The following TLE6 variants were observed in gnomAD, a reference collection of about 807,000 sequenced individuals.
TLE6 encodes the protein transducin-like enhancer protein 6.
In TLE6, 72 loss-of-function variants were observed where a neutral mutation model predicts 77.1. That is an observed-to-expected ratio of 0.93 (90% confidence interval 0.77 to 1.14). TLE6 has a LOEUF of 1.14. Ranked by LOEUF, TLE6 falls within the 50% of genes most tolerant of loss-of-function variation. TLE6 has a pLI of 0.00. For missense variants in TLE6, 843 were observed against 747.6 expected, an observed-to-expected ratio of 1.13 and a Z score of -1.49; for synonymous variants, 366 against 287.3, an observed-to-expected ratio of 1.27 and a Z score of -2.77.
intron 1 of TLE6, 71 bp from the exon 2 acceptor site, chr19:2,978,127 C>G (rs757091256): frequency 2.6e-5 from 31 of 1,193,054 alleles, no homozygotes; most frequent in Non-Finnish European, 3.6e-5. Context: ...GGTGGGGTAA[C>G]GGGTGCCTTG....
intron 4 of TLE6, 40 bp from the exon 5 acceptor site, chr19:2,982,108 C>G (rs1164080086): frequency 3.2e-6 from 5 of 1,550,904 alleles, no homozygotes; most frequent in Non-Finnish European, 4.4e-6. Context: ...CATTCACACC[C>G]GGACCACCTC....
rs566861192 is a variant in TLE6, at chr19:2,995,064, C to A, written c.*60C>A. The A allele has an allele frequency of 5.1e-4, 525 of 1,023,356 alleles. 7 individuals are homozygous for A. Among genetic ancestry groups the A allele is most frequent in the South Asian group, 5.1e-3 (359 of 70,582 alleles). The allele number at this position is 1,023,356 out of a possible 1,614,324, so 63.4% of individuals were successfully genotyped here. On this transcript the variant is annotated 3_prime_UTR_variant, in exon 17 of 17. Transcript: ENST00000246112. ...CTTTTCATCCCCCCCCTTCCCCCCC[C>A]CCAACAAGGGGGACATGGTGGAGGG... is the stretch of plus-strand genomic sequence containing the variant.
chr19:2,981,550 T>A lies in TLE6; in HGVS notation c.147T>A (p.His49Gln). 1.3e-6 allele frequency: 2 copies of A among 1,551,512 alleles called. No individual in the cohort carries two copies. Among genetic ancestry groups the A allele is most frequent in the Non-Finnish European group, 1.7e-6 (2 of 1,146,930 alleles). Residue 49 changes from histidine (H) to glutamine (Q), a missense_variant, in exon 4 of 17, where the codon CAT becomes CAA. Transcript: ENST00000246112. The part of the protein sequence containing the change: ...RLKQFPRFSP[H>Q]FAAELESIYY... ...CCTTCCCCCTCAGGTTTTCTCCTCA[T>A]TTTGCTGCGGAGTTGGAGAGCATTT...
intron 14 of TLE6, 87 bp from the exon 15 acceptor site, chr19:2,993,345 C>T (rs755600790): frequency 8.3e-6 from 12 of 1,439,428 alleles, no homozygotes; most frequent in Non-Finnish European, 1.1e-5. Context: ...CACCCGGCCT[C>T]CAGGATAGGT....
At chr19:2,978,118 G>A (rs903399921) in intron 1 of TLE6, 80 bp from the exon 2 acceptor site, 6 of 1,045,002 alleles carry the variant, frequency 5.7e-6, no homozygotes, top group Non-Finnish European at 5.8e-6. Flanking sequence ...GGAGGTGCGG[G>A]TGGGGTAACG....
At position 2,986,998 on chromosome 19, in the gene TLE6, C is replaced by T. The variant is rs779265808; in HGVS notation, c.301C>T (p.Pro101Ser). 2.5e-6 allele frequency: 4 copies of T among 1,612,162 alleles called. No individual in the cohort carries two copies. The highest frequency in any genetic ancestry group is 2.5e-6 in the Non-Finnish European group (3 of 1,178,730). Residue 101 changes from proline (P) to serine (S), a missense_variant, in exon 7 of 17, where the codon CCA becomes TCA. Coordinates refer to ENST00000246112, the MANE Select transcript of TLE6 (RefSeq NM_001143986.2). ...FQSEEVSPAE[P>S]ASPGTPQQVK... ...GCCGGGCCAGGTCTCACCTGCTGAA[C>T]CAGCCAGCCCTGGGACGCCCCAGCA...
Position 2,989,518 on chromosome 19 carries a change from G to A in TLE6, c.994-17G>A. ...GCCACGGGGGGCGACAGCTCACAGTGACTCTGCCCATCCCAGACCCCTGGG... is the reference window on the plus strand; with the variant it reads ...GCCACGGGGGGCGACAGCTCACAGTAACTCTGCCCATCCCAGACCCCTGGG... On this transcript the variant is annotated splice_polypyrimidine_tract_variant and intron_variant, in intron 12 of 16. Coordinates refer to ENST00000246112, the MANE Select transcript of TLE6 (RefSeq NM_001143986.2). The A allele has an allele frequency of 1.5e-5, 24 of 1,604,542 alleles. No individual in the cohort carries two copies. The highest frequency in any genetic ancestry group is 2.0e-5 in the Non-Finnish European group (23 of 1,175,640).
intron 2 of TLE6, among the ~76,000 whole-genome samples, chr19:2,979,844 A>G (rs1046732288): frequency 6.6e-6 from 1 of 151,192 alleles, no homozygotes. Context: ...GGCGCATGTA[A>G]TCCCAGCTAC....
In TLE6 at chr19:2,989,519, AC is replaced by A; in HGVS notation, c.994-15del. The stretch of plus-strand genomic sequence containing the variant: ...CCACGGGGGGCGACAGCTCACAGTG[AC>A]TCTGCCCATCCCAGACCCCTGGGGC... On this transcript the variant is annotated splice_polypyrimidine_tract_variant and intron_variant, in intron 12 of 16. Coordinates refer to ENST00000246112, the MANE Select transcript of TLE6 (RefSeq NM_001143986.2). The A allele has an allele frequency of 1.9e-6, 3 of 1,605,044 alleles. No individual in the cohort carries two copies. Among genetic ancestry groups the A allele is most frequent in the Non-Finnish European group, 2.6e-6 (3 of 1,175,858 alleles).
intron 4 of TLE6, 69 bp downstream of exon 4, chr19:2,981,652 G>C: frequency 6.7e-7 from 1 of 1,498,714 alleles, no homozygotes; most frequent in Non-Finnish European, 9.1e-7. Context: ...CTGGTTTCCC[G>C]GCCCTGCCTC....
In TLE6 at chr19:2,989,660, G is replaced by C; in HGVS notation, c.1119G>C (p.Glu373Asp). The C allele has an allele frequency of 6.2e-7, 1 of 1,614,224 alleles. No individual in the cohort carries two copies. The highest frequency in any genetic ancestry group is 2.2e-5 in the East Asian group (1 of 44,876). ...DLAAPSLHVK[E>D]QLPCAGLNCQ... Reference sequence around the variant, plus strand: ...CGGCGCCCTCCCTGCATGTGAAGGAGCAGTTGCCCTGTGCAGGTCTCAACT... The same window carrying C: ...CGGCGCCCTCCCTGCATGTGAAGGACCAGTTGCCCTGTGCAGGTCTCAACT... Residue 373 changes from glutamate to aspartate, a missense_variant, in exon 13 of 17, where the codon GAG (glutamate) becomes GAC (aspartate). Glu to Asp is a conservative substitution (Grantham distance 45). Coordinates refer to ENST00000246112, the MANE Select transcript of TLE6 (RefSeq NM_001143986.2).
intron 11 of TLE6, 73 bp from the exon 12 acceptor site, chr19:2,988,988 C>G: frequency 6.3e-7 from 1 of 1,587,538 alleles, no homozygotes; most frequent in African/African-American, 1.3e-5. Flanking sequence ...CCCCTCTAGG[C>G]CTTGATGTGT....
chr19:2,985,038 G>A lies in TLE6; in HGVS notation c.223-1791G>A, dbSNP rs556044021. On this transcript the variant is annotated intron_variant, in intron 5 of 16. Coordinates refer to ENST00000246112, the MANE Select transcript of TLE6 (RefSeq NM_001143986.2). ...GGCTGAGGTGGGCAGATCACCTGAC[G>A]TCAGGAGTTCGAGACCAGCCTGGCC... 1.3e-4 allele frequency among the ~76,000 whole-genome samples: 20 copies of A among 151,574 alleles called. No homozygotes were observed. The South Asian group carries it at 4.0e-3, about 30-fold the overall frequency.
At chr19:2,991,451 C>G (rs909511805) in intron 13 of TLE6, among the ~76,000 whole-genome samples, 1 of 145,420 alleles carries the variant, frequency 6.9e-6, no homozygotes, top group African/African-American at 2.5e-5. Flanking sequence ...GTATTTATAA[C>G]ATATAAGATA....
intron 15 of TLE6, 133 bp downstream of exon 15, chr19:2,993,715 G>A: frequency 8.5e-7 from 1 of 1,182,526 alleles, no homozygotes; most frequent in Non-Finnish European, 1.2e-6. Flanking sequence ...CCAATTTTGG[G>A]GATGCTCTTA....
intron 5 of TLE6, 40 bp downstream of exon 5, chr19:2,982,229 T>C (rs1413691557): frequency 2.1e-5 from 32 of 1,549,794 alleles, no homozygotes; most frequent in Non-Finnish European, 2.6e-5. Context: ...TGTCCCTCCA[T>C]GAAAGGCATG....
Position 2,994,032 on chromosome 19 carries a change from A to C in TLE6, c.1551A>C (p.Ala517=). The part of the protein sequence containing the change: ...VKFSPFGQWW[A]SVGMDDFLGV... ...CATTTCTCCCAGGCCAGTGGTGGGC[A>C]AGCGTTGGAATGGACGACTTCCTTG... The change falls in exon 16 of 17, where the codon GCA becomes GCC. Residue 517 remains alanine, a synonymous_variant. Coordinates refer to ENST00000246112, the MANE Select transcript of TLE6 (RefSeq NM_001143986.2). The C allele has an allele frequency of 1.2e-6, 2 of 1,606,288 alleles. No homozygotes were observed. Among genetic ancestry groups the C allele is most frequent in the Non-Finnish European group, 1.7e-6 (2 of 1,177,156 alleles).
chr19:2,978,836 C>T (rs2088733571), intron 2 of TLE6, among the ~76,000 whole-genome samples: 1 of 152,170 alleles, frequency 6.6e-6, no homozygotes, highest in Admixed American at 6.6e-5. Context: ...TACAAGCAAT[C>T]CCCGCTCCCT....
chr19:2,978,905 G>A (rs914775003), intron 2 of TLE6, among the ~76,000 whole-genome samples: 4 of 151,262 alleles, frequency 2.6e-5, no homozygotes, highest in African/African-American at 9.7e-5. Context: ...CTGAGCAGAC[G>A]TTTTTTTTTG....
Sources: gnomAD v4.1 joint callset for allele counts (sites outside exome capture counted in the v4.1 genomes callset) on GRCh38, gnomAD v4.1.1 for gene constraint, MANE v1.5 for transcripts, NCBI Gene and HGNC (gene_info 2026-07-23, HGNC 2026-07-21) for gene names.